IL1RAP: variants seen among roughly 807,000 people sequenced by gnomAD.
The protein encoded by IL1RAP is interleukin-1 receptor accessory protein.
IL1RAP carries 35 observed loss-of-function variants against 60.7 expected under a neutral mutation model. The observed-to-expected ratio is 0.58, with a 90% CI of 0.44 to 0.76. The LOEUF is 0.76. Ranked by LOEUF, IL1RAP falls within the 30% of genes least tolerant of loss-of-function variation. IL1RAP has a pLI of 0.00. For missense variants in IL1RAP, 572 were observed against 693.9 expected (o/e 0.82, Z 1.97); for synonymous variants, 268 against 250.9 (o/e 1.07, Z -0.64).
intron 4 of IL1RAP, among the ~76,000 whole-genome samples, chr3:190,605,341 C>CA (rs897139750): frequency 1.3e-5 from 2 of 150,682 alleles, no homozygotes; most frequent in Middle Eastern, 3.2e-3. Flanking sequence ...GGGAAAAAAA[C>CA]AAAAAAACAA....
intron 3 of IL1RAP, among the ~76,000 whole-genome samples, chr3:190,576,284 T>A (rs1380657210): frequency 6.6e-6 from 1 of 152,126 alleles, no homozygotes; most frequent in Non-Finnish European, 1.5e-5. Context: ...AAAATTAGTA[T>A]AGCACAGAAT....
intron 3 of IL1RAP, among the ~76,000 whole-genome samples, chr3:190,576,047 T>C (rs750541905): frequency 3.3e-5 from 4 of 120,082 alleles, no homozygotes; most frequent in Admixed American, 1.7e-4. Context: ...TGCGAGGACA[T>C]TTGGATAATT....
intron 1 of IL1RAP, among the ~76,000 whole-genome samples, chr3:190,536,643 A>G (rs1406453209): frequency 6.6e-6 from 1 of 152,196 alleles, no homozygotes; most frequent in African/African-American, 2.4e-5. Context: ...TAAATACACT[A>G]TCATAAGCTA....
chr3:190,589,504 G>A (rs1352627586), intron 3 of IL1RAP, among the ~76,000 whole-genome samples: 3 of 152,174 alleles, frequency 2.0e-5, no homozygotes, highest in South Asian at 4.1e-4. Flanking sequence ...TGATGCCTCT[G>A]TTAAACACAG....
chr3:190,573,282 C>A (rs528959336), intron 3 of IL1RAP, among the ~76,000 whole-genome samples: 34 of 152,144 alleles, frequency 2.2e-4, no homozygotes, highest in Admixed American at 1.9e-3. Context: ...GACTCTGGAC[C>A]CCCTTTTGCA....
At chr3:190,553,246 C>G (rs1725027351) in intron 1 of IL1RAP, among the ~76,000 whole-genome samples, 1 of 152,202 alleles carries the variant, frequency 6.6e-6, no homozygotes, top group Non-Finnish European at 1.5e-5. Context: ...GCACACCAGA[C>G]TGGCTACAAC....
rs1730106133 is a variant in IL1RAP, at chr3:190,604,286, C to A, written c.223C>A (p.Gln75Lys). 3 of 1,613,852 alleles carry A rather than the reference C, an allele frequency of 1.9e-6. No individual in the cohort carries two copies. Residue 75 changes from glutamine to lysine, a missense_variant, in exon 4 of 12, where the codon CAG becomes AAG. Transcript: ENST00000447382. ...TACTCTGATCTGGTATTGGACTAGG[C>A]AGGACCGGGACCTTGAGGAGCCAAT... ...GLTLIWYWTR[Q>K]DRDLEEPINF...
chr3:190,516,013 T>A (rs1721480674), intron 1 of IL1RAP, among the ~76,000 whole-genome samples: 1 of 152,166 alleles, frequency 6.6e-6, no homozygotes, highest in South Asian at 2.1e-4. Flanking sequence ...ACCCTTCTCA[T>A]GACAATTGAT....
chr3:190,605,888 A>T (rs1730283115), intron 4 of IL1RAP, among the ~76,000 whole-genome samples: 1 of 152,218 alleles, frequency 6.6e-6, no homozygotes, highest in South Asian at 2.1e-4. Context: ...ACCTTAGCAT[A>T]TAAATTGGGG....
chr3:190,524,505 C>T (rs753107917), intron 1 of IL1RAP, among the ~76,000 whole-genome samples: 27 of 152,062 alleles, frequency 1.8e-4, no homozygotes, highest in African/African-American at 5.8e-4. Context: ...TTAATTTTTA[C>T]GTATGATGTA....
intron 3 of IL1RAP, among the ~76,000 whole-genome samples, chr3:190,567,086 G>T (rs540101490): frequency 6.6e-6 from 1 of 152,270 alleles, no homozygotes; most frequent in Non-Finnish European, 1.5e-5. Flanking sequence ...ATATAAAAAA[G>T]AAACCATAAA....
rs148432867 is a variant in IL1RAP at position 190,547,270 on chromosome 3, A to G, written c.-88-8860A>G. 3.1e-3 allele frequency among the ~76,000 whole-genome samples: 478 copies of G among 152,298 alleles called. 3 individuals are homozygous for G. The highest frequency in any genetic ancestry group is 0.011 in the African/African-American group (448 of 41,566). ...ACCAAATGTCAATGCATATGAAAAG[A>G]ACTCTGGCCATAGTCCTCCGCCCCT... On this transcript the variant is annotated intron_variant, in intron 1 of 11. Coordinates refer to ENST00000447382, the MANE Select transcript of IL1RAP (RefSeq NM_002182.4).
At chr3:190,604,534 G>A (rs1730134173) in intron 4 of IL1RAP, 121 bp downstream of exon 4, 1 of 1,036,564 alleles carries the variant, frequency 9.6e-7, no homozygotes. Context: ...GTTTAGTGAG[G>A]TAATTGTCTG....
intron 1 of IL1RAP, among the ~76,000 whole-genome samples, chr3:190,532,091 T>G (rs1490454787): frequency 1.3e-5 from 2 of 152,142 alleles, no homozygotes; most frequent in African/African-American, 4.8e-5. Flanking sequence ...GGTATCATGC[T>G]GCTTCTCTTG....
rs189373897 is a variant in IL1RAP at position 190,619,849 on chromosome 3, C to T, written c.538-426C>T. On this transcript the variant is annotated intron_variant, in intron 5 of 11. Transcript: ENST00000447382. ...CTAAATTGGGGCCTAGATTATCAGACGGAGTGACTGGAGTCCCAAATTAAT... is the reference window on the plus strand; with the variant it reads ...CTAAATTGGGGCCTAGATTATCAGATGGAGTGACTGGAGTCCCAAATTAAT... 1.1e-4 allele frequency among the ~76,000 whole-genome samples: 17 copies of T among 152,084 alleles called. No homozygotes were observed. In the East Asian group the frequency reaches 1.9e-3, roughly 17 times the overall value.
rs3773998 is a variant in IL1RAP, at chr3:190,516,064, A to G, written c.-89+1845A>G. The stretch of plus-strand genomic sequence containing the variant: ...TTCATGCAATAATTTACTACTATCT[A>G]CTGGCTTTGCCATGCGTCCTTAAAT... On this transcript the variant is annotated intron_variant, in intron 1 of 11. Coordinates refer to ENST00000447382, the MANE Select transcript of IL1RAP (RefSeq NM_002182.4). Among the ~76,000 whole-genome samples, 16 of 152,258 alleles carry G rather than the reference A, an allele frequency of 1.1e-4. No individual in the cohort carries two copies. The East Asian group carries it at 2.5e-3, about 24-fold the overall frequency.
chr3:190,582,733 A>G (rs918260302), intron 3 of IL1RAP, among the ~76,000 whole-genome samples: 1 of 152,212 alleles, frequency 6.6e-6, no homozygotes, highest in African/African-American at 2.4e-5. Flanking sequence ...TGTAAATTAA[A>G]TCAGGTGTCT....
intron 1 of IL1RAP, among the ~76,000 whole-genome samples, chr3:190,524,982 CTA>C (rs1291638574): frequency 7.3e-6 from 1 of 137,018 alleles, no homozygotes; most frequent in African/African-American, 2.4e-5. Flanking sequence ...TAATTTATGT[CTA>C]TGTACATATA....
chr3:190,578,172 T>C (rs1051618539), intron 3 of IL1RAP, among the ~76,000 whole-genome samples: 3 of 152,192 alleles, frequency 2.0e-5, no homozygotes, highest in African/African-American at 7.2e-5. Flanking sequence ...CCCCCATATC[T>C]AAAATGAAAG....
Sources: gnomAD v4.1 joint callset for allele counts (sites outside exome capture counted in the v4.1 genomes callset) on GRCh38, gnomAD v4.1.1 for gene constraint, MANE v1.5 for transcripts, NCBI Gene and HGNC (gene_info 2026-07-23, HGNC 2026-07-21) for gene names.